JPH2: variants seen among roughly 807,000 people sequenced by gnomAD.
JPH2 encodes the protein junctophilin 2.
In JPH2, 38 loss-of-function variants were observed where a neutral mutation model predicts 55.9. That is an observed-to-expected ratio of 0.68 (90% CI 0.52 to 0.89). JPH2 has a LOEUF of 0.89. JPH2 is among the 40% of genes least tolerant of loss of function. JPH2 has a pLI of 0.00. For synonymous variants in JPH2, 480 were observed against 472.4 expected (o/e 1.02, Z -0.21); for missense variants, 964 against 1,037.6 (o/e 0.93, Z 0.97).
chr20:44,149,073 A>T (rs1453462893), intron 2 of JPH2, among the ~76,000 whole-genome samples: 1 of 151,746 alleles, frequency 6.6e-6, no homozygotes, highest in Admixed American at 6.6e-5. Context: ...CTCAAAAAAA[A>T]AAAACATTCT....
At chr20:44,168,003 C>A (rs1248323396) in intron 1 of JPH2, among the ~76,000 whole-genome samples, 1 of 152,110 alleles carries the variant, frequency 6.6e-6, no homozygotes, top group Non-Finnish European at 1.5e-5. Flanking sequence ...AGAGGTGATG[C>A]CCCAGGTCTT....
intron 1 of JPH2, among the ~76,000 whole-genome samples, chr20:44,172,974 A>T (rs1466723225): frequency 2.0e-5 from 3 of 152,210 alleles, no homozygotes; most frequent in Non-Finnish European, 4.4e-5. Flanking sequence ...TGACATAAAA[A>T]TATTTAACAG....
intron 2 of JPH2, among the ~76,000 whole-genome samples, chr20:44,158,416 C>G (rs963006670): frequency 1.3e-5 from 2 of 152,286 alleles, no homozygotes; most frequent in East Asian, 1.9e-4. Flanking sequence ...AGGCCACTCA[C>G]TAACTGAGTG....
intron 2 of JPH2, among the ~76,000 whole-genome samples, chr20:44,134,801 T>G (rs1199801976): frequency 6.0e-5 from 6 of 99,720 alleles, no homozygotes; most frequent in African/African-American, 2.3e-4. Flanking sequence ...TATACATTTA[T>G]TATAAATATA....
intron 2 of JPH2, among the ~76,000 whole-genome samples, chr20:44,126,158 G>T (rs1448444808): frequency 1.1e-5 from 1 of 91,504 alleles, no homozygotes; most frequent in African/African-American, 4.1e-5. Flanking sequence ...GAGGGAGGGA[G>T]GGAGGGAGGG....
At chr20:44,167,641 TCTC>T (rs2072666731) in intron 1 of JPH2, among the ~76,000 whole-genome samples, 1 of 152,144 alleles carries the variant, frequency 6.6e-6, no homozygotes, top group Admixed American at 6.5e-5. Flanking sequence ...AATATAGCCT[TCTC>T]CTTGCAGTTG....
chr20:44,152,030 C>T (rs2072534257), intron 2 of JPH2, among the ~76,000 whole-genome samples: 1 of 152,206 alleles, frequency 6.6e-6, no homozygotes, highest in African/African-American at 2.4e-5. Flanking sequence ...AATTTCATCT[C>T]CTTCCTCCCT....
In JPH2 at chr20:44,160,574, G is replaced by T. The variant is rs2072603785; in HGVS notation, c.380-167C>A. Among the ~76,000 whole-genome samples, 1 of 152,216 alleles carries T rather than the reference G, an allele frequency of 6.6e-6. No individual in the cohort carries two copies. The highest frequency in any genetic ancestry group is 2.4e-5 in the African/African-American group (1 of 41,456). On this transcript the variant is annotated intron_variant, in intron 1 of 5. Transcript: ENST00000372980. The surrounding 1 kb of genome is among the most constrained non-coding windows in gnomAD (Gnocchi z 4.9). ...GTGCTATGAGTGTTTGAGTCTACTC[G>T]AGTGTGCAATAACACGAGTGGGTGA...
chr20:44,126,790 C>G (rs1470667108), intron 2 of JPH2, among the ~76,000 whole-genome samples: 1 of 152,194 alleles, frequency 6.6e-6, no homozygotes, highest in Non-Finnish European at 1.5e-5. Flanking sequence ...ATGAGGCAGG[C>G]AGTGCCCTCC....
intron 2 of JPH2, among the ~76,000 whole-genome samples, chr20:44,118,864 G>A (rs1297075314): frequency 2.0e-5 from 3 of 152,252 alleles, no homozygotes; most frequent in African/African-American, 7.2e-5. Flanking sequence ...GTGGTCAGGT[G>A]ACTGAGTTCT....
At chr20:44,174,526 C>G (rs747737510) in intron 1 of JPH2, among the ~76,000 whole-genome samples, 13 of 152,342 alleles carry the variant, frequency 8.5e-5, no homozygotes, top group Non-Finnish European at 5.9e-5. Flanking sequence ...GCAATCCCAG[C>G]ACTTTGGGAG....
At chr20:44,175,327 G>A (rs1341557535) in intron 1 of JPH2, among the ~76,000 whole-genome samples, 1 of 152,192 alleles carries the variant, frequency 6.6e-6, no homozygotes, top group Non-Finnish European at 1.5e-5. Context: ...GAATATAGGT[G>A]GGTCCACCTC....
intron 2 of JPH2, among the ~76,000 whole-genome samples, chr20:44,132,359 CACACACACACACA>C (rs1569190860): frequency 3.3e-3 from 273 of 82,312 alleles, no homozygotes; most frequent in South Asian, 0.018. Context: ...CAGACAGACA[CACACACACACACA>C]CACACACACA....
chr20:44,115,625 G>A, intron 4 of JPH2, 40 bp downstream of exon 4: 2 of 1,611,240 alleles, frequency 1.2e-6, no homozygotes, highest in Admixed American at 1.7e-5. Flanking sequence ...GCTACCTCTA[G>A]GGAACCCGAC....
intron 1 of JPH2, among the ~76,000 whole-genome samples, chr20:44,175,466 A>G (rs942614703): frequency 2.6e-5 from 4 of 152,346 alleles, no homozygotes; most frequent in African/African-American, 9.6e-5. Context: ...GCTCGCCTGC[A>G]AGGCTGGCAC....
intron 2 of JPH2, among the ~76,000 whole-genome samples, chr20:44,133,555 T>C (rs992681452): frequency 6.6e-6 from 1 of 151,996 alleles, no homozygotes; most frequent in Non-Finnish European, 1.5e-5. Context: ...CCAGCACCTT[T>C]GCTCACTGGC....
chr20:44,180,335 AT>A (rs750039814), intron 1 of JPH2, among the ~76,000 whole-genome samples: 22 of 149,630 alleles, frequency 1.5e-4, no homozygotes, highest in Non-Finnish European at 2.4e-4. Context: ...TATTATATTT[AT>A]TTTATTTTTT....
At chr20:44,162,716 G>A (rs74915130) in intron 1 of JPH2, among the ~76,000 whole-genome samples, 103 of 140,850 alleles carry the variant, frequency 7.3e-4, no homozygotes, top group East Asian at 3.6e-3. Flanking sequence ...CCCTGTGATC[G>A]TGTGAGTTAA....
rs2072214745 is a variant in JPH2, at chr20:44,118,958, A to G, written c.1170-335T>C. 2.0e-5 allele frequency among the ~76,000 whole-genome samples: 3 copies of G among 152,272 alleles called. No homozygotes were observed. The South Asian group carries it at 6.2e-4, about 32-fold the overall frequency. On this transcript the variant is annotated intron_variant, in intron 2 of 5. Transcript: ENST00000372980. ...CTTCTGTGCCCTCTCTTTTTTCCCC[A>G]GCATTGCTGGTTGAATGCAGAGCAG...
Sources: gnomAD v4.1 joint callset for allele counts (sites outside exome capture counted in the v4.1 genomes callset) on GRCh38, gnomAD v4.1.1 for gene constraint, Gnocchi (gnomAD v3.1) non-coding constraint, MANE v1.5 for transcripts, NCBI Gene and HGNC (gene_info 2026-07-23, HGNC 2026-07-21) for gene names.